Variants in TTN observed in about 807,000 individuals in gnomAD.
TTN encodes the protein connectin.
TTN carries 1,525 observed loss-of-function variants against 3,223.0 expected under a neutral mutation model. The observed-to-expected ratio is 0.47, with a 90% CI of 0.45 to 0.49. The LOEUF (loss-of-function observed/expected upper bound fraction) is 0.49. TTN is among the 20% of genes least tolerant of loss of function. The probability of loss-of-function intolerance (pLI) is 0.00; values close to 1 mark genes in which losing one functional copy is unlikely to be tolerated. For synonymous variants in TTN, 14,094 were observed against 15,161.0 expected, an observed-to-expected ratio of 0.93 and a Z score of 5.17; for missense variants, 40,786 against 43,424.0, an observed-to-expected ratio of 0.94 and a Z score of 5.40.
chr2:178,528,122 T>C, intron 361 of TTN, 152 bp downstream of exon 361: 2 of 874,558 alleles, frequency 2.3e-6, no homozygotes, highest in Middle Eastern at 2.9e-4. Flanking sequence ...TAAAGAAAGT[T>C]TGACTACAAG....
Position 178,780,051 on chromosome 2 carries a change from C to T in TTN, c.3678G>A (p.Arg1226=), listed in dbSNP as rs761450203. The change falls in exon 22 of 363, where the codon AGG becomes AGA. Residue 1226 remains arginine (R), a synonymous_variant. Coordinates refer to ENST00000589042, the MANE Select transcript of TTN (RefSeq NM_001267550.2). ...CTACAGTATCTTTGGCCATTTTCTT[C>T]CTAATTAAGGCTTGTTCTTTTTCAT... ...KEYEKEQALI[R]KKMAKDTVVV... 1 of 1,613,540 alleles carries T rather than the reference C, an allele frequency of 6.2e-7. No individual in the cohort carries two copies. Among genetic ancestry groups the T allele is most frequent in the Non-Finnish European group, 8.5e-7 (1 of 1,179,830 alleles).
At chr2:178,778,746 G>T in intron 24 of TTN, 128 bp downstream of exon 24, 1 of 1,318,846 alleles carries the variant, frequency 7.6e-7, no homozygotes, top group Non-Finnish European at 1.1e-6. Flanking sequence ...AATTGTTGGT[G>T]TTGCCAATGG....
In TTN at chr2:178,781,224, C is replaced by T. The variant is rs565573959; in HGVS notation, c.3420G>A (p.Lys1140=). Residue 1140 remains lysine, a synonymous_variant, in exon 21 of 363, where the codon AAG becomes AAA. Coordinates refer to ENST00000589042, the MANE Select transcript of TTN (RefSeq NM_001267550.2). ...VSYNKQTGEC[K]LVISMTFADD... is the part of the protein sequence containing the mutation. ...CAGCAAAAGTCATAGAAATCACCAGCTTGCATTCACCGGTTTGTTTGTTGT... is the reference window on the plus strand; with the variant it reads ...CAGCAAAAGTCATAGAAATCACCAGTTTGCATTCACCGGTTTGTTTGTTGT... The T allele has an allele frequency of 1.2e-6, 2 of 1,614,050 alleles. No homozygotes were observed. Among genetic ancestry groups the T allele is most frequent in the East Asian group, 2.2e-5 (1 of 44,844 alleles).
At chr2:178,767,348 C>T (rs866198200) in intron 40 of TTN, among the ~76,000 whole-genome samples, 1 of 152,224 alleles carries the variant, frequency 6.6e-6, no homozygotes, top group African/African-American at 2.4e-5. Flanking sequence ...GAAAGTATTT[C>T]TAGCCACTAA....
rs1280611526 is a variant in TTN at position 178,535,997 on chromosome 2, A to G, written c.100750T>C (p.Ser33584Pro). 1 of 1,533,818 alleles carries G rather than the reference A, an allele frequency of 6.5e-7. No homozygotes were observed. The highest frequency in any genetic ancestry group is 2.3e-5 in the East Asian group (1 of 44,274). ...TTATTTTTACCTTCCACTTCCAAGG[A>G]GGCAGTGCCAGACACAGATCCCCCT... is the stretch of plus-strand genomic sequence containing the variant. ...NQGGSVSGTA[S>P]LEVEVPAKIH... The change falls in exon 357 of 363, where the codon TCC becomes CCC. Residue 33584 changes from serine to proline, a missense_variant. Coordinates refer to ENST00000589042, the MANE Select transcript of TTN (RefSeq NM_001267550.2).
intron 53 of TTN, 34 bp from the exon 54 acceptor site, chr2:178,733,551 G>C (rs755622510): frequency 1.3e-6 from 2 of 1,598,458 alleles, no homozygotes; most frequent in Non-Finnish European, 1.7e-6. Flanking sequence ...CACCCTAAAT[G>C]CTTGTTAGGG....
At chr2:178,622,194 G>C (rs2058400905) in intron 243 of TTN, among the ~76,000 whole-genome samples, 186 bp from the exon 244 acceptor site, 1 of 151,830 alleles carries the variant, frequency 6.6e-6, no homozygotes, top group African/African-American at 2.4e-5. Flanking sequence ...ACCAATTACT[G>C]TTAAGTTAGC....
At chr2:178,798,129 C>T (rs926004184) in intron 6 of TTN, among the ~76,000 whole-genome samples, 7 of 151,952 alleles carry the variant, frequency 4.6e-5, no homozygotes, top group African/African-American at 1.5e-4. Context: ...ATTCATTTAC[C>T]AATACCATAC....
rs397517621 is a variant in TTN at position 178,603,894 on chromosome 2, C to T, written c.54793G>A (p.Val18265Ile). The change falls in exon 282 of 363, where the codon GTT becomes ATT. Residue 18265 changes from valine to isoleucine, a missense_variant. Physicochemically the swap from Val to Ile is conservative, Grantham distance 29 (BLOSUM62 3). Transcript: ENST00000589042. ...TACTTACATATGGGATCTCCTGCAA[C>T]CTCTGGATCTGATGGTTCACTGGGA... ...GPPSEPSDPE[V>I]AGDPIFPPGP... 1 of 1,602,756 alleles carries T rather than the reference C, an allele frequency of 6.2e-7. No individual in the cohort carries two copies. Among genetic ancestry groups the T allele is most frequent in the Non-Finnish European group, 8.5e-7 (1 of 1,171,802 alleles).
intron 263 of TTN, 55 bp from the exon 264 acceptor site, chr2:178,613,331 T>C: frequency 7.5e-7 from 1 of 1,339,946 alleles, no homozygotes; most frequent in Non-Finnish European, 1.0e-6. Context: ...AGAAGAAGCC[T>C]ATGTTTATTT....
rs763624046 is a variant in TTN, at chr2:178,635,153, G to T, written c.42024+12C>A. On this transcript the variant is annotated intron_variant, in intron 228 of 362. Transcript: ENST00000589042. ...TTATATGACTAACAATTTAAAATGT[G>T]AAATTACTCACAGGTGAGGGCCTTA... 14 of 1,609,100 alleles carry T rather than the reference G, an allele frequency of 8.7e-6. No homozygotes were observed. Among genetic ancestry groups the T allele is most frequent in the Non-Finnish European group, 1.1e-5 (13 of 1,178,542 alleles).
rs906675886 is a variant in TTN, at chr2:178,632,757, C to T, written c.43249G>A (p.Val14417Ile). 15 of 1,613,100 alleles carry T rather than the reference C, an allele frequency of 9.3e-6. No homozygotes were observed. The highest frequency in any genetic ancestry group is 1.3e-5 in the Non-Finnish European group (15 of 1,179,524). Residue 14417 changes from valine (V) to isoleucine (I), a missense_variant, in exon 235 of 363, where the codon GTT becomes ATT. Coordinates refer to ENST00000589042, the MANE Select transcript of TTN (RefSeq NM_001267550.2). ...PLIFITPLSD[V>I]KVFEKDEAKF... ...GCCTCATCTTTCTCGAAGACTTTAACATCACTGAGAGGTGTGATGAAGATA... is the reference window on the plus strand; with the variant it reads ...GCCTCATCTTTCTCGAAGACTTTAATATCACTGAGAGGTGTGATGAAGATA...
At position 178,713,146 on chromosome 2, in the gene TTN, G is replaced by A; in HGVS notation, c.26988C>T (p.Tyr8996=). Residue 8996 remains tyrosine, a synonymous_variant, in exon 93 of 363, where the codon TAC becomes TAT. Coordinates refer to ENST00000589042, the MANE Select transcript of TTN (RefSeq NM_001267550.2). ...NMLEESDSGD[Y]TCIATNMAGS... is the part of the protein sequence containing the mutation. ...CAGCCATATTAGTAGCTATACATGT[G>A]TAGTCACCACTGTCTGATTCTTCCA... is the stretch of plus-strand genomic sequence containing the variant. The A allele has an allele frequency of 2.5e-6, 4 of 1,613,780 alleles. No individual in the cohort carries two copies. Among genetic ancestry groups the A allele is most frequent in the South Asian group, 1.1e-5 (1 of 91,078 alleles).
At chr2:178,803,722 A>G (rs951685157) in intron 2 of TTN, among the ~76,000 whole-genome samples, 4 of 152,050 alleles carry the variant, frequency 2.6e-5, no homozygotes, top group Non-Finnish European at 4.4e-5. Flanking sequence ...TTTAATCCGT[A>G]TCCATCTTAC....
At position 178,568,007 on chromosome 2, in the gene TTN, T is replaced by G. The variant is rs1261267302; in HGVS notation, c.78125A>C (p.Lys26042Thr). Residue 26042 changes from lysine (K) to threonine (T), a missense_variant, in exon 326 of 363, where the codon AAA (lysine) becomes ACA (threonine). By Grantham distance (78) the Lys-to-Thr change is moderately conservative. Transcript: ENST00000589042. ...GAATTGGGTGTCATGAATAATAGTT[T>G]TGTTGACCTTTGTCCACAAAATACT... ...RNSILWTKVN[K>T]TIIHDTQFKA... 8 of 1,613,440 alleles carry G rather than the reference T, an allele frequency of 5.0e-6. No homozygotes were observed. Among genetic ancestry groups the G allele is most frequent in the Non-Finnish European group, 6.8e-6 (8 of 1,179,578 alleles).
rs988336748 is a variant in TTN at position 178,624,635 on chromosome 2, T to G, written c.44645A>C (p.Lys14882Thr). 4 of 1,612,506 alleles carry G rather than the reference T, an allele frequency of 2.5e-6. No homozygotes were observed. The highest frequency in any genetic ancestry group is 3.4e-6 in the Non-Finnish European group (4 of 1,179,150). ...TGTCCCATTTTTGAACCATTTCACC[T>G]TAGCATTTTCTCTGGAGACTTCACA... ...LECEVSRENA[K>T]VKWFKNGTEI... Residue 14882 changes from lysine to threonine, a missense_variant, in exon 242 of 363, where the codon AAG becomes ACG. Lys to Thr is a moderately conservative substitution (Grantham distance 78, BLOSUM62 -1). Transcript: ENST00000589042.
rs150612172 is a variant in TTN at position 178,634,562 on chromosome 2, G to A, written c.42219C>T (p.Phe14073=). 2,311 of 1,613,262 alleles carry A rather than the reference G, an allele frequency of 1.4e-3. 23 individuals carry two copies. The African/African-American group carries it at 0.025, about 18-fold the overall frequency. Residue 14073 remains phenylalanine, a synonymous_variant, in exon 230 of 363, where the codon TTC becomes TTT. Coordinates refer to ENST00000589042, the MANE Select transcript of TTN (RefSeq NM_001267550.2). The surrounding 1 kb of genome is among the most constrained non-coding windows in gnomAD (Gnocchi z 4.6). Reference sequence around the variant, plus strand: ...TTGCCTCTCGGGTGAGGACACATTCGAATCGAGCCTGTCGCCTTTCTGGAA... The same window carrying A: ...TTGCCTCTCGGGTGAGGACACATTCAAATCGAGCCTGTCGCCTTTCTGGAA... ...VTVPERRQAR[F]ECVLTREANV...
Position 178,719,594 on chromosome 2 carries a change from A to C in TTN, c.23898T>G (p.Ser7966Arg), listed in dbSNP as rs773116614. ...KGLYSFEVKNSVGKSNCTVSV... is the reference protein window; with the variant it reads ...KGLYSFEVKNRVGKSNCTVSV... ...ATACAGTGCAGTTACTTTTGCCAACACTGTTTTTCACTTCAAAGCTATATA... is the reference window on the plus strand; with the variant it reads ...ATACAGTGCAGTTACTTTTGCCAACCCTGTTTTTCACTTCAAAGCTATATA... Residue 7966 changes from serine (S) to arginine (R), a missense_variant, in exon 82 of 363, where the codon AGT (serine) becomes AGG (arginine). Ser to Arg is a moderately radical substitution (Grantham distance 110). Coordinates refer to ENST00000589042, the MANE Select transcript of TTN (RefSeq NM_001267550.2). The C allele has an allele frequency of 3.7e-6, 6 of 1,612,030 alleles. No homozygotes were observed. The highest frequency in any genetic ancestry group is 5.1e-6 in the Non-Finnish European group (6 of 1,178,404).
At position 178,610,281 on chromosome 2, in the gene TTN, T is replaced by C; in HGVS notation, c.51245A>G (p.Tyr17082Cys). 6.2e-7 allele frequency: 1 copy of C among 1,612,924 alleles called. No individual in the cohort carries two copies. Among genetic ancestry groups the C allele is most frequent in the Non-Finnish European group, 8.5e-7 (1 of 1,179,230 alleles). ...EFDGGTPILHYVLERREAGRR... is the reference protein window; with the variant it reads ...EFDGGTPILHCVLERREAGRR... ...CCCAGCTTCTCTGCGCTCCAGGACA[T>C]AATGAAGAATTGGGGTTCCACCATC... is the stretch of plus-strand genomic sequence containing the variant. The change falls in exon 271 of 363, where the codon TAT becomes TGT. Residue 17082 changes from tyrosine to cysteine, a missense_variant. Coordinates refer to ENST00000589042, the MANE Select transcript of TTN (RefSeq NM_001267550.2).
Sources: gnomAD v4.1 joint callset for allele counts (sites outside exome capture counted in the v4.1 genomes callset) on GRCh38, gnomAD v4.1.1 for gene constraint, Gnocchi (gnomAD v3.1) non-coding constraint, MANE v1.5 for transcripts, NCBI Gene and HGNC (gene_info 2026-07-23, HGNC 2026-07-21) for gene names.